CLDN16: variants seen among roughly 807,000 people sequenced by gnomAD.
CLDN16 encodes the protein claudin-16.
A neutral mutation model predicts 24.6 loss-of-function variants in CLDN16; 13 were observed. The ratio of observed to expected loss-of-function variants is 0.53; its 90% CI spans 0.34 to 0.84. CLDN16 has a LOEUF of 0.84. CLDN16 is among the 40% of genes least tolerant of loss of function. The probability of loss-of-function intolerance (pLI) is 0.01; values close to 1 mark genes in which losing one functional copy is unlikely to be tolerated. For synonymous variants in CLDN16, 116 were observed against 106.7 expected (o/e 1.09, Z -0.54); for missense variants, 298 against 292.7 (o/e 1.02, Z -0.13).
chr3:190,308,274 G>A, the CLDN16 span: 2 of 1,613,692 alleles, frequency 1.2e-6, no homozygotes, highest in Non-Finnish European at 1.7e-6. Context: ...TTTTGCCTCT[G>A]TGTCACACGT....
chr3:190,312,217 C>T, the CLDN16 span, among the ~76,000 whole-genome samples: 1 of 151,986 alleles, frequency 6.6e-6, no homozygotes, highest in African/African-American at 2.4e-5. Flanking sequence ...AGGCGTGAAC[C>T]ACCACACCTG....
At chr3:190,307,414 C>T in the CLDN16 span, 1 of 152,176 alleles carries the variant, frequency 6.6e-6, no homozygotes, top group Admixed American at 6.5e-5. Flanking sequence ...GGGGGAACAG[C>T]ATGCAGCTAC....
the CLDN16 span, among the ~76,000 whole-genome samples, chr3:190,312,558 G>A: frequency 6.6e-6 from 1 of 152,144 alleles, no homozygotes; most frequent in Non-Finnish European, 1.5e-5. Context: ...AGACACCATA[G>A]GAATTATCTG....
chr3:190,389,138 C>A (rs1380890402), intron 1 of CLDN16, among the ~76,000 whole-genome samples: 1 of 152,088 alleles, frequency 6.6e-6, no homozygotes, highest in Non-Finnish European at 1.5e-5. Context: ...GCTGGAGAAG[C>A]TCAGAAAGAA....
chr3:190,405,737 T>A (rs1272080503), intron 3 of CLDN16, among the ~76,000 whole-genome samples: 1 of 152,166 alleles, frequency 6.6e-6, no homozygotes, highest in Non-Finnish European at 1.5e-5. Context: ...TCACTTAAGA[T>A]GCAGATAAAT....
rs551987541 is a variant in CLDN16 at position 190,341,515 on chromosome 3, C to A, written n.121+18854C>A. On this transcript the variant is annotated intron_variant and non_coding_transcript_variant, in intron 1 of 4. Coordinates refer to the CLDN16 transcript ENST00000468220. The stretch of plus-strand genomic sequence containing the variant: ...TACCAAGTCCCTAGGCTGCACACAG[C>A]AGAGGAACCCTGGGCCTGGCCCACT... Among the ~76,000 whole-genome samples, 101 of 152,198 alleles carry A rather than the reference C, an allele frequency of 6.6e-4. 1 individual carries two copies. In the South Asian group the frequency reaches 0.021, roughly 31 times the overall value.
chr3:190,315,140 A>T, the CLDN16 span, among the ~76,000 whole-genome samples: 1 of 152,258 alleles, frequency 6.6e-6, no homozygotes, highest in African/African-American at 2.4e-5. Flanking sequence ...AAACCCATAC[A>T]TAACACAGAT....
chr3:190,308,435 C>T, the CLDN16 span: 3 of 1,613,378 alleles, frequency 1.9e-6, no homozygotes, highest in South Asian at 1.1e-5. Flanking sequence ...TGACCAAATT[C>T]GTACCTAAAA....
At chr3:190,371,016 TTATA>T (rs141854157) in intron 2 of CLDN16, 5 of 13,860 alleles carry the variant, frequency 3.6e-4, no homozygotes, top group Admixed American at 8.1e-4. Context: ...GTTAATACCT[TTATA>T]TATATATATA....
intron 1 of CLDN16, among the ~76,000 whole-genome samples, chr3:190,362,489 TC>T (rs1338411687): frequency 2.0e-5 from 3 of 151,904 alleles, no homozygotes; most frequent in Non-Finnish European, 4.4e-5. Flanking sequence ...AAAACTCCGA[TC>T]CTCAAATGCT....
At chr3:190,319,823 G>A (rs1716870227), upstream of CLDN16, among the ~76,000 whole-genome samples, 1 of 152,156 alleles carries the variant, frequency 6.6e-6, no homozygotes, top group African/African-American at 2.4e-5. Flanking sequence ...GATCTCTACA[G>A]CTGGTGGGCG....
intron 1 of CLDN16, among the ~76,000 whole-genome samples, chr3:190,351,448 A>C (rs889165185): frequency 2.8e-4 from 42 of 152,152 alleles, no homozygotes; most frequent in Non-Finnish European, 1.5e-4. Flanking sequence ...GAGAACCCAG[A>C]TTAACACAAT....
upstream of CLDN16, chr3:190,322,213 C>T (rs1716946354): frequency 6.2e-7 from 1 of 1,613,000 alleles, no homozygotes; most frequent in Non-Finnish European, 8.5e-7. Context: ...CCATGACTCG[C>T]TCGGGCGCCC....
At chr3:190,394,668 CAT>C (rs1249884046) in intron 1 of CLDN16, among the ~76,000 whole-genome samples, 7 of 152,226 alleles carry the variant, frequency 4.6e-5, no homozygotes, top group Admixed American at 3.3e-4. Flanking sequence ...CATTTGCTCA[CAT>C]GAGTTGATAG....
At chr3:190,401,585 A>G (rs974860509) in intron 1 of CLDN16, among the ~76,000 whole-genome samples, 8 of 152,218 alleles carry the variant, frequency 5.3e-5, no homozygotes, top group Admixed American at 2.0e-4. Context: ...TAGATAAAGT[A>G]TGAGAAGGTT....
intron 1 of CLDN16, among the ~76,000 whole-genome samples, chr3:190,329,309 C>G (rs55809762): frequency 6.6e-6 from 1 of 152,080 alleles, no homozygotes; most frequent in Non-Finnish European, 1.5e-5. Context: ...CATATCTATT[C>G]TGAGCTAAGA....
the CLDN16 span, among the ~76,000 whole-genome samples, chr3:190,292,045 G>A: frequency 2.0e-5 from 3 of 152,126 alleles, no homozygotes; most frequent in African/African-American, 7.2e-5. Context: ...GGGTCTGAAG[G>A]TTTGTGGACC....
At chr3:190,343,165 C>T (rs765488213) in intron 1 of CLDN16, among the ~76,000 whole-genome samples, 7 of 152,080 alleles carry the variant, frequency 4.6e-5, no homozygotes, top group Non-Finnish European at 8.8e-5. Context: ...ATACGTATTT[C>T]TCCAAAGATG....
chr3:190,382,659 C>A (rs548560064), intron 3 of CLDN16, among the ~76,000 whole-genome samples: 2 of 152,240 alleles, frequency 1.3e-5, no homozygotes, highest in South Asian at 4.1e-4. Context: ...CTTCTCTGTG[C>A]TTTTACAATA....
Sources: gnomAD v4.1 joint callset for allele counts (sites outside exome capture counted in the v4.1 genomes callset) on GRCh38, gnomAD v4.1.1 for gene constraint, MANE v1.5 for transcripts, NCBI Gene and HGNC (gene_info 2026-07-23, HGNC 2026-07-21) for gene names.